Variants in IKZF2 observed in about 807,000 individuals in gnomAD.
The protein encoded by IKZF2 is IKAROS family zinc finger 2.
IKZF2 carries 15 observed loss-of-function variants against 49.2 expected under a neutral mutation model. The observed-to-expected ratio is 0.30, with a 90% CI of 0.20 to 0.47. The LOEUF (loss-of-function observed/expected upper bound fraction) is 0.47, where lower values mean the gene tolerates loss of function less well. IKZF2 is among the 20% of genes least tolerant of loss of function. IKZF2 has a pLI of 1.00. For synonymous variants in IKZF2, 227 were observed against 221.4 expected (o/e 1.03, Z -0.23); for missense variants, 567 against 664.6 (o/e 0.85, Z 1.61).
intron 4 of IKZF2, among the ~76,000 whole-genome samples, chr2:213,067,067 C>G (rs1439768480): frequency 6.6e-6 from 1 of 152,014 alleles, no homozygotes; most frequent in Non-Finnish European, 1.5e-5. Flanking sequence ...AGTTTAAGGC[C>G]AGGTTCGTTC....
chr2:213,124,834 A>G (rs553096919), intron 4 of IKZF2, among the ~76,000 whole-genome samples: 1 of 152,362 alleles, frequency 6.6e-6, no homozygotes, highest in South Asian at 2.1e-4. Flanking sequence ...AATAGGAAAG[A>G]AAAAGAAATC....
At chr2:213,012,619 T>G in intron 8 of IKZF2, among the ~76,000 whole-genome samples, 1 of 152,164 alleles carries the variant, frequency 6.6e-6, no homozygotes, top group South Asian at 2.1e-4. Context: ...ATGGCCCTTA[T>G]AGTCACCCTT....
chr2:213,012,763 G>A (rs1486750669), intron 8 of IKZF2, among the ~76,000 whole-genome samples: 1 of 151,956 alleles, frequency 6.6e-6, no homozygotes, highest in African/African-American at 2.4e-5. Context: ...ATGGAATTGT[G>A]TTATCCTCTC....
intron 4 of IKZF2, among the ~76,000 whole-genome samples, chr2:213,060,066 C>T (rs1210313704): frequency 6.6e-6 from 1 of 151,248 alleles, no homozygotes; most frequent in Non-Finnish European, 1.5e-5. Flanking sequence ...TTACATGATG[C>T]ATATATACAA....
rs546983157 is a variant in IKZF2, at chr2:213,131,620, T to C, written c.139+16088A>G. Among the ~76,000 whole-genome samples the C allele has an allele frequency of 5.7e-4, 87 of 152,300 alleles. 1 individual carries two copies. Among genetic ancestry groups the C allele is most frequent in the African/African-American group, 1.9e-3 (80 of 41,576 alleles). On this transcript the variant is annotated intron_variant, in intron 4 of 8. Coordinates refer to ENST00000434687, the MANE Select transcript of IKZF2 (RefSeq NM_001387220.1). ...TATATTTTGAAGCCATGTGAAGCTTTTGAAGTCATGTACTTGAGAAGCTTT... is the reference window on the plus strand; with the variant it reads ...TATATTTTGAAGCCATGTGAAGCTTCTGAAGTCATGTACTTGAGAAGCTTT...
chr2:213,020,688 A>T (rs1008753444), intron 7 of IKZF2, among the ~76,000 whole-genome samples: 1 of 152,212 alleles, frequency 6.6e-6, no homozygotes, highest in East Asian at 1.9e-4. Flanking sequence ...GTTGTTCAGG[A>T]TAACAAGAAA....
intron 4 of IKZF2, among the ~76,000 whole-genome samples, chr2:213,141,955 C>T (rs1383760842): frequency 6.6e-6 from 1 of 151,934 alleles, no homozygotes; most frequent in African/African-American, 2.4e-5. Context: ...ACTACTACCC[C>T]CGAAGTGCAC....
chr2:213,080,202 A>ATAGATAGATAGATAGATAGATAGG (rs1420373531), intron 4 of IKZF2, among the ~76,000 whole-genome samples: 1 of 152,178 alleles, frequency 6.6e-6, no homozygotes, highest in Non-Finnish European at 1.5e-5. Context: ...AGATAGATAG[A>ATAGATAGATAGATAGATAGATAGG]TAGATATGGA....
chr2:213,105,248 C>T (rs1010589231), intron 4 of IKZF2, among the ~76,000 whole-genome samples: 10 of 152,144 alleles, frequency 6.6e-5, no homozygotes, highest in Non-Finnish European at 2.9e-5. Context: ...CCCACAGAAA[C>T]CAGTTCCCTA....
intron 4 of IKZF2, among the ~76,000 whole-genome samples, chr2:213,129,089 G>C (rs2060380621): frequency 6.6e-6 from 1 of 151,896 alleles, no homozygotes. Context: ...GACACACACA[G>C]AGAATTCTAT....
At chr2:213,090,736 A>G (rs1296917746) in intron 4 of IKZF2, among the ~76,000 whole-genome samples, 1 of 152,130 alleles carries the variant, frequency 6.6e-6, no homozygotes, top group Admixed American at 6.6e-5. Flanking sequence ...GTGAACATGA[A>G]GGCAAAGATG....
intron 4 of IKZF2, among the ~76,000 whole-genome samples, chr2:213,083,869 A>T (rs977344754): frequency 6.6e-6 from 1 of 151,708 alleles, no homozygotes; most frequent in African/African-American, 2.4e-5. Context: ...ATTCTACATT[A>T]TGATGAGTTA....
At chr2:213,081,148 G>C (rs930457777) in intron 4 of IKZF2, 1 of 154,692 alleles carries the variant, frequency 6.5e-6, no homozygotes, top group Non-Finnish European at 1.5e-5. Flanking sequence ...AAGAGTATAG[G>C]AGGTAGTTCA....
At chr2:213,134,194 C>G (rs2060574628) in intron 4 of IKZF2, among the ~76,000 whole-genome samples, 2 of 152,174 alleles carry the variant, frequency 1.3e-5, no homozygotes, top group Admixed American at 6.5e-5. Context: ...AACCAGCGAT[C>G]AGAGGACAAA....
intron 4 of IKZF2, among the ~76,000 whole-genome samples, chr2:213,140,498 G>T (rs2125944308): frequency 6.6e-6 from 1 of 151,982 alleles, no homozygotes; most frequent in Admixed American, 6.6e-5. Flanking sequence ...TAATAAGTAT[G>T]TAATATTTTC....
chr2:213,057,110 A>G lies in IKZF2; in HGVS notation c.140-11T>C. On this transcript the variant is annotated splice_polypyrimidine_tract_variant and intron_variant, in intron 4 of 8. Coordinates refer to ENST00000434687, the MANE Select transcript of IKZF2 (RefSeq NM_001387220.1). ...GCTTTACTGAATTTGCTGTAATTTGAAAAGAAGAAAATAAATTTTAAATAC... is the reference window on the plus strand; with the variant it reads ...GCTTTACTGAATTTGCTGTAATTTGGAAAGAAGAAAATAAATTTTAAATAC... The G allele has an allele frequency of 6.2e-7, 1 of 1,606,304 alleles. No individual in the cohort carries two copies. The highest frequency in any genetic ancestry group is 1.3e-5 in the African/African-American group (1 of 74,498).
intron 4 of IKZF2, among the ~76,000 whole-genome samples, chr2:213,086,568 G>A (rs182942434): frequency 5.9e-5 from 9 of 152,164 alleles, no homozygotes; most frequent in African/African-American, 1.4e-4. Flanking sequence ...ACACTAGCCC[G>A]GAAGCTCACC....
At chr2:213,104,798 C>T (rs1574858551) in intron 4 of IKZF2, among the ~76,000 whole-genome samples, 1 of 152,144 alleles carries the variant, frequency 6.6e-6, no homozygotes, top group African/African-American at 2.4e-5. Flanking sequence ...GATAAGGTCA[C>T]GCCTTAAAAG....
chr2:213,088,391 T>A (rs1313232474), intron 4 of IKZF2, among the ~76,000 whole-genome samples: 1 of 152,210 alleles, frequency 6.6e-6, no homozygotes, highest in Non-Finnish European at 1.5e-5. Context: ...AAGTTCTTTG[T>A]AGATTCTGGA....
Sources: gnomAD v4.1 joint callset for allele counts (sites outside exome capture counted in the v4.1 genomes callset) on GRCh38, gnomAD v4.1.1 for gene constraint, MANE v1.5 for transcripts, NCBI Gene and HGNC (gene_info 2026-07-23, HGNC 2026-07-21) for gene names.